Variants in COIL observed in about 807,000 individuals in gnomAD.
COIL encodes coilin p80.
In COIL, 28 loss-of-function variants were observed where a neutral mutation model predicts 51.6. The ratio of observed to expected loss-of-function variants is 0.54; its 90% CI spans 0.40 to 0.74. The LOEUF is 0.74. Among genes scored for constraint, COIL ranks in the 30% least tolerant of loss-of-function variants. The pLI, the probability that COIL is intolerant of heterozygous loss-of-function variation, is 0.00. For synonymous variants in COIL, 233 were observed against 255.8 expected (o/e 0.91, Z 0.85); for missense variants, 667 against 685.9 (o/e 0.97, Z 0.31).
In COIL at chr17:56,949,928, T is replaced by C; in HGVS notation, c.1314A>G (p.Gln438=). ...NRSTDNQRQQ[Q]LNDVVKNSST... ...ATGAATTTTTTACCACGTCATTTAA[T>C]TGCTGTTGCCTCTGGTTGTCAGTGC... Residue 438 remains glutamine (Q), a synonymous_variant, in exon 2 of 7, where the codon CAA becomes CAG. Coordinates refer to ENST00000240316, the MANE Select transcript of COIL (RefSeq NM_004645.3). The C allele has an allele frequency of 1.2e-6, 2 of 1,613,822 alleles. No individual in the cohort carries two copies. The highest frequency in any genetic ancestry group is 1.7e-6 in the Non-Finnish European group (2 of 1,179,946).
intron 1 of COIL, chr17:56,951,439 C>T (rs745842747): frequency 1.3e-5 from 2 of 154,816 alleles, no homozygotes; most frequent in African/African-American, 2.4e-5. Flanking sequence ...GGTGATAATG[C>T]TGATTATCCA....
chr17:56,947,032 C>T (rs1426300045), intron 4 of COIL, among the ~76,000 whole-genome samples: 3 of 152,186 alleles, frequency 2.0e-5, no homozygotes, highest in African/African-American at 7.2e-5. Context: ...TTCTCCTTCT[C>T]CCAGGTCTCC....
chr17:56,952,119 G>A (rs1407175277), intron 1 of COIL: 1 of 437,714 alleles, frequency 2.3e-6, no homozygotes, highest in Non-Finnish European at 4.4e-6. Context: ...CCATCGTCCA[G>A]TTTCTAACTA....
intron 3 of COIL, 21 bp downstream of exon 3, chr17:56,949,660 G>A (rs761700053): frequency 3.1e-6 from 5 of 1,597,276 alleles, no homozygotes; most frequent in Non-Finnish European, 4.3e-6. Flanking sequence ...TTTTTGCTGT[G>A]ACTGTTCTTT....
At chr17:56,947,301 T>A (rs1290521599) in intron 4 of COIL, among the ~76,000 whole-genome samples, 1 of 152,080 alleles carries the variant, frequency 6.6e-6, no homozygotes, top group Non-Finnish European at 1.5e-5. Flanking sequence ...GGTTAATGAA[T>A]AAAGCAGATG....
rs368344576 is a variant in COIL at position 56,950,081 on chromosome 17, G to A, written c.1161C>T (p.Leu387=). The A allele has an allele frequency of 4.3e-5, 70 of 1,614,020 alleles. No individual in the cohort carries two copies. The Middle Eastern group carries it at 1.5e-3, about 34-fold the overall frequency. ...QAPGASPSVS[L]PASLGRGWGR... ...CCCATCCTCTTCCTAAACTAGCAGG[G>A]AGAGACACACTGGGAGAAGCACCAG... The change falls in exon 2 of 7, where the codon CTC becomes CTT. Residue 387 remains leucine, a synonymous_variant. Coordinates refer to ENST00000240316, the MANE Select transcript of COIL (RefSeq NM_004645.3).
intron 1 of COIL, among the ~76,000 whole-genome samples, chr17:56,953,762 A>G (rs1910428718): frequency 6.6e-6 from 1 of 152,178 alleles, no homozygotes; most frequent in South Asian, 2.1e-4. Context: ...ATCCTCAATT[A>G]TTTGTCAGAA....
chr17:56,949,583 G>T, intron 3 of COIL, 98 bp downstream of exon 3: 1 of 1,398,874 alleles, frequency 7.1e-7, no homozygotes, highest in African/African-American at 1.4e-5. Context: ...GTTCCAGTGG[G>T]AAGGGCTTTT....
chr17:56,957,745 T>C (rs1213296430), intron 1 of COIL, among the ~76,000 whole-genome samples: 1 of 152,226 alleles, frequency 6.6e-6, no homozygotes, highest in Non-Finnish European at 1.5e-5. Context: ...TTTTAAGCCA[T>C]ACAGTCTGTG....
At chr17:56,940,840 A>C (rs1231710429) in intron 6 of COIL, among the ~76,000 whole-genome samples, 2 of 152,186 alleles carry the variant, frequency 1.3e-5, no homozygotes, top group Non-Finnish European at 2.9e-5. Flanking sequence ...GGCTGCTTAA[A>C]AAGGTATAAA....
Position 56,954,745 on chromosome 17 carries a change from G to C in COIL, c.246-3749C>G, listed in dbSNP as rs186810919. The stretch of plus-strand genomic sequence containing the variant: ...CCAGCTACTCAGGAGGCAGAGGGAA[G>C]ATCACTTGAACCCAGGAGTTCAAAA... On this transcript the variant is annotated intron_variant, in intron 1 of 6. Coordinates refer to ENST00000240316, the MANE Select transcript of COIL (RefSeq NM_004645.3). Among the ~76,000 whole-genome samples the C allele has an allele frequency of 9.9e-5, 15 of 151,784 alleles. No homozygotes were observed. The East Asian group carries it at 2.9e-3, about 29-fold the overall frequency.
chr17:56,954,645 T>G, intron 1 of COIL, among the ~76,000 whole-genome samples: 1 of 152,086 alleles, frequency 6.6e-6, no homozygotes, highest in East Asian at 1.9e-4. Context: ...CACTACCTAC[T>G]GTTCCCCAAG....
intron 1 of COIL, among the ~76,000 whole-genome samples, chr17:56,955,946 A>C (rs1910475071): frequency 6.6e-6 from 1 of 152,258 alleles, no homozygotes; most frequent in Non-Finnish European, 1.5e-5. Context: ...TAGCAAACAG[A>C]AAAGAATGAC....
At position 56,952,084 on chromosome 17, in the gene COIL, C is replaced by T. The variant is rs149883723; in HGVS notation, c.246-1088G>A. 15 of 340,502 alleles carry T rather than the reference C, an allele frequency of 4.4e-5. No homozygotes were observed. In the East Asian group the frequency reaches 1.2e-3, roughly 27 times the overall value. The allele number at this position is 340,502 out of a possible 1,614,324, so 21.1% of individuals were successfully genotyped here. A position where few individuals can be genotyped will look rare whatever the true frequency, so the allele number is the denominator to read the frequency against. Reference sequence around the variant, plus strand: ...TTGGCCTCTCAAAGTGCTGAGATTACAGGCATGAGCCATCGCACCCAGCCC... The same window carrying T: ...TTGGCCTCTCAAAGTGCTGAGATTATAGGCATGAGCCATCGCACCCAGCCC... On this transcript the variant is annotated intron_variant, in intron 1 of 6. Transcript: ENST00000240316.
At chr17:56,940,295 G>C (rs1910120815) in intron 6 of COIL, 1 of 152,268 alleles carries the variant, frequency 6.6e-6, no homozygotes, top group Admixed American at 6.6e-5. Flanking sequence ...TTTTTTTGTA[G>C]AGACGGGGTC....
intron 5 of COIL, 135 bp from the exon 6 acceptor site, chr17:56,942,258 C>A: frequency 1.4e-6 from 1 of 708,720 alleles, no homozygotes; most frequent in South Asian, 1.7e-5. Flanking sequence ...TGGGTATGTA[C>A]AGGAAAGCAC....
intron 1 of COIL, among the ~76,000 whole-genome samples, chr17:56,956,297 G>A (rs1042765170): frequency 6.6e-6 from 1 of 152,194 alleles, no homozygotes; most frequent in Non-Finnish European, 1.5e-5. Context: ...GGAGTGGAGT[G>A]ACACGATCAT....
At chr17:56,945,229 T>C (rs1210084160) in intron 5 of COIL, among the ~76,000 whole-genome samples, 2 of 151,706 alleles carry the variant, frequency 1.3e-5, no homozygotes, top group African/African-American at 4.8e-5. Flanking sequence ...TCCCAACTAC[T>C]CTGCAAGCTG....
At chr17:56,944,038 G>A (rs554170049) in intron 5 of COIL, among the ~76,000 whole-genome samples, 4 of 141,452 alleles carry the variant, frequency 2.8e-5, no homozygotes, top group African/African-American at 7.8e-5. Flanking sequence ...GCTATGTTTT[G>A]TTTTTTTTTT....
Sources: allele counts gnomAD v4.1 joint callset (sites outside exome capture counted in the v4.1 genomes callset), GRCh38; gene constraint gnomAD v4.1.1; transcripts MANE v1.5; gene names NCBI Gene and HGNC (gene_info 2026-07-23, HGNC 2026-07-21).